ZNF292: variants seen among roughly 807,000 people sequenced by gnomAD.
The protein encoded by ZNF292 is zinc finger protein 292, also known as 16 zinc-finger domain protein.
Under a neutral mutation model 217.9 loss-of-function variants are expected in ZNF292, and 26 were observed. The ratio of observed to expected loss-of-function variants is 0.12; its 90% confidence interval spans 0.09 to 0.17. The LOEUF is 0.17. Ranked by LOEUF, ZNF292 falls within the 10% of genes least tolerant of loss-of-function variation. The pLI is 1.00. For missense variants in ZNF292, 2,904 were observed against 3,175.2 expected (o/e 0.91, Z 2.05); for synonymous variants, 1,257 against 1,124.1 (o/e 1.12, Z -2.37).
intron 1 of ZNF292, among the ~76,000 whole-genome samples, chr6:87,156,235 GC>G (rs1008725086): frequency 5.3e-5 from 8 of 152,136 alleles, no homozygotes; most frequent in African/African-American, 1.9e-4. Context: ...CCGCCCCCCA[GC>G]CCCGGCCCTG....
chr6:87,175,849 C>G (rs867718757), intron 1 of ZNF292, among the ~76,000 whole-genome samples: 2 of 152,224 alleles, frequency 1.3e-5, no homozygotes, highest in Middle Eastern at 3.4e-3. Flanking sequence ...TGAACTGATG[C>G]CTGGCTGTGG....
In ZNF292 at chr6:87,233,475, C is replaced by G. The variant is rs1773752166; in HGVS notation, c.689C>G (p.Thr230Ser). The change falls in exon 5 of 8, where the codon ACT (threonine) becomes AGT (serine). Residue 230 changes from threonine (T) to serine (S), a missense_variant. By Grantham distance (58) the Thr-to-Ser change is moderately conservative (BLOSUM62 1). Coordinates refer to ENST00000369577, the MANE Select transcript of ZNF292 (RefSeq NM_015021.3). ...GGCATAAAAGGTAGTTTTAAGCAAA[C>G]TTACCTTGTCTGTCTTTGTACATCA... is the stretch of plus-strand genomic sequence containing the variant. ...EIGIKGSFKQ[T>S]YLVCLCTSSP... The G allele has an allele frequency of 6.2e-7, 1 of 1,613,374 alleles. No individual in the cohort carries two copies. The highest frequency in any genetic ancestry group is 2.2e-5 in the East Asian group (1 of 44,810).
intron 7 of ZNF292, among the ~76,000 whole-genome samples, chr6:87,246,647 T>C (rs1372180370): frequency 4.6e-5 from 7 of 151,548 alleles, no homozygotes; most frequent in Non-Finnish European, 8.8e-5. Context: ...GGCGGATGAC[T>C]TGAGGTCAGA....
Position 87,259,843 on chromosome 6 carries a change from C to T in ZNF292, c.6214C>T (p.Leu2072Phe), listed in dbSNP as rs182682152. Residue 2072 changes from leucine to phenylalanine, a missense_variant, in exon 8 of 8, where the codon CTC becomes TTC. Physicochemically the swap from Leu to Phe is conservative, Grantham distance 22. Around this residue, in one of 15 missense-constraint regions of ZNF292, gnomAD observed 261 missense variants for 272.8 expected, o/e 0.96. Transcript: ENST00000369577. ...TTCAGAACAATGTAATACAAATGCA[C>T]TCACAAACACACAAACCAAAGGACG... The part of the protein sequence containing the change: ...VTSEQCNTNA[L>F]TNTQTKGRKI... 1.2e-4 allele frequency: 193 copies of T among 1,613,034 alleles called. No individual in the cohort carries two copies. The East Asian group carries it at 4.1e-3, about 34-fold the overall frequency.
intron 1 of ZNF292, among the ~76,000 whole-genome samples, chr6:87,214,651 G>A (rs142998434): frequency 1.2e-4 from 18 of 152,022 alleles, no homozygotes; most frequent in African/African-American, 3.1e-4. Context: ...CAGGTTTTCT[G>A]TCCTTTCTGT....
intron 4 of ZNF292, among the ~76,000 whole-genome samples, chr6:87,221,729 A>G (rs1247802572): frequency 6.6e-6 from 1 of 152,174 alleles, no homozygotes; most frequent in African/African-American, 2.4e-5. Context: ...TTGATGTGGC[A>G]TGATTATAAA....
Position 87,258,171 on chromosome 6 carries a change from A to G in ZNF292, c.4542A>G (p.Thr1514=). ...EGAEMLSHVS[T]GCVSDASQVN... ...CCGAAATGCTTTCTCATGTTTCAAC[A>G]GGTTGTGTCTCTGATGCATCACAAG... Residue 1514 remains threonine (T), a synonymous_variant, in exon 8 of 8, where the codon ACA becomes ACG. Transcript: ENST00000369577. 1 of 1,611,948 alleles carries G rather than the reference A, an allele frequency of 6.2e-7. No individual in the cohort carries two copies. Among genetic ancestry groups the G allele is most frequent in the Non-Finnish European group, 8.5e-7 (1 of 1,179,104 alleles).
At position 87,216,290 on chromosome 6, in the gene ZNF292, G is replaced by GT. The variant is rs750367956; in HGVS notation, c.324-3dup. The GT allele has an allele frequency of 6.4e-6, 10 of 1,564,392 alleles. No individual in the cohort carries two copies. Among genetic ancestry groups the GT allele is most frequent in the African/African-American group, 2.7e-5 (2 of 73,652 alleles). ...TTATTCCTCTCCTTACCAACTTTTT[G>GT]TTTTTTAGAAGCTGTGTTGAACTTT... is the stretch of plus-strand genomic sequence containing the variant. On this transcript the variant is annotated splice_polypyrimidine_tract_variant and intron_variant, in intron 2 of 7. Coordinates refer to ENST00000369577, the MANE Select transcript of ZNF292 (RefSeq NM_015021.3).
chr6:87,223,930 A>G (rs1400020449), intron 4 of ZNF292: 2 of 152,190 alleles, frequency 1.3e-5, no homozygotes, highest in Non-Finnish European at 2.9e-5. Context: ...ACTAAATATG[A>G]ATTCTTACTG....
chr6:87,172,058 T>C (rs981096439), intron 1 of ZNF292, among the ~76,000 whole-genome samples: 5 of 152,228 alleles, frequency 3.3e-5, no homozygotes, highest in African/African-American at 1.2e-4. Flanking sequence ...GGGCAATCTC[T>C]TTTTCTTCAT....
chr6:87,167,901 A>C (rs1307628462), intron 1 of ZNF292, among the ~76,000 whole-genome samples: 1 of 152,216 alleles, frequency 6.6e-6, no homozygotes, highest in Non-Finnish European at 1.5e-5. Flanking sequence ...TCCTTTCTTT[A>C]CCTATAAAGG....
At chr6:87,235,758 C>G (rs542741165) in intron 5 of ZNF292, among the ~76,000 whole-genome samples, 96 of 152,184 alleles carry the variant, frequency 6.3e-4, no homozygotes, top group Non-Finnish European at 1.2e-3. Flanking sequence ...TCCCTCCCCC[C>G]CACTTCTCAT....
intron 1 of ZNF292, among the ~76,000 whole-genome samples, chr6:87,158,046 A>G (rs1770604064): frequency 6.6e-6 from 1 of 152,212 alleles, no homozygotes; most frequent in Non-Finnish European, 1.5e-5. Flanking sequence ...ACAGCATTTT[A>G]AAAATCAGAA....
chr6:87,245,488 C>CTT lies in ZNF292; in HGVS notation c.879-5_879-4dup. ...ACTGCTCCAACTTTTCTTATTATAA[C>CTT]TTTTTTTTTTTAAGGGAACTTACTC... On this transcript the variant is annotated splice_polypyrimidine_tract_variant and intron_variant, in intron 6 of 7. Coordinates refer to ENST00000369577, the MANE Select transcript of ZNF292 (RefSeq NM_015021.3). 55 of 1,113,360 alleles carry CTT rather than the reference C, an allele frequency of 4.9e-5. No individual in the cohort carries two copies. Among genetic ancestry groups the CTT allele is most frequent in the South Asian group, 1.1e-4 (6 of 54,972 alleles). The allele number at this position is 1,113,360 out of a possible 1,614,324, so 69.0% of individuals were successfully genotyped here.
At chr6:87,156,815 A>G (rs1466981828) in intron 1 of ZNF292, among the ~76,000 whole-genome samples, 1 of 152,204 alleles carries the variant, frequency 6.6e-6, no homozygotes, top group East Asian at 1.9e-4. Context: ...TTGGGACTAC[A>G]TTTGCACTTC....
Position 87,255,476 on chromosome 6 carries a change from C to T in ZNF292, c.1847C>T (p.Thr616Ile). Residue 616 changes from threonine to isoleucine, a missense_variant, in exon 8 of 8, where the codon ACA (threonine) becomes ATA (isoleucine). This residue lies in a region of ZNF292 where 216 missense variants were observed against 308.3 expected (regional missense o/e 0.70). Coordinates refer to ENST00000369577, the MANE Select transcript of ZNF292 (RefSeq NM_015021.3). ...AGATTGGGAAGGCCTCCAAAGATCACAACTACCAATGAAAATCAGAAGACT... is the reference window on the plus strand; with the variant it reads ...AGATTGGGAAGGCCTCCAAAGATCATAACTACCAATGAAAATCAGAAGACT... ...LRRLGRPPKITTTNENQKTNT... is the reference protein window; with the variant it reads ...LRRLGRPPKIITTNENQKTNT... The T allele has an allele frequency of 6.2e-7, 1 of 1,613,486 alleles. No homozygotes were observed. Among genetic ancestry groups the T allele is most frequent in the East Asian group, 2.2e-5 (1 of 44,852 alleles).
At chr6:87,246,995 A>C (rs759756892) in intron 7 of ZNF292, among the ~76,000 whole-genome samples, 9 of 152,102 alleles carry the variant, frequency 5.9e-5, no homozygotes, top group African/African-American at 2.2e-4. Context: ...CTCTACTAAA[A>C]ATAAAGAAAA....
intron 1 of ZNF292, among the ~76,000 whole-genome samples, chr6:87,159,689 AC>A (rs1391038211): frequency 1.3e-5 from 2 of 151,260 alleles, no homozygotes; most frequent in Non-Finnish European, 2.9e-5. Context: ...TTTACTAGAG[AC>A]AGGGTTTCTC....
chr6:87,247,219 G>A (rs1191522272), intron 7 of ZNF292, among the ~76,000 whole-genome samples: 2 of 151,118 alleles, frequency 1.3e-5, no homozygotes, highest in African/African-American at 4.9e-5. Flanking sequence ...GTCTACTTGG[G>A]TAGGTAGATC....
Sources: gnomAD v4.1 joint callset for allele counts (sites outside exome capture counted in the v4.1 genomes callset) on GRCh38, gnomAD v4.1.1 for gene constraint, gnomAD v4.1.1 regional missense constraint, MANE v1.5 for transcripts, NCBI Gene and HGNC (gene_info 2026-07-23, HGNC 2026-07-21) for gene names.